The following ATP8A2 variants were observed in gnomAD, a reference collection of about 807,000 sequenced individuals.
The protein encoded by ATP8A2 is phospholipid-transporting ATPase IB.
ATP8A2 carries 100 observed loss-of-function variants against 165.6 expected under a neutral mutation model. The observed-to-expected ratio is 0.60, with a 90% CI of 0.51 to 0.71. ATP8A2 has a LOEUF of 0.71. Ranked by LOEUF, ATP8A2 falls within the 30% of genes least tolerant of loss-of-function variation. The probability of loss-of-function intolerance (pLI) is 0.00; values close to 1 mark genes in which losing one functional copy is unlikely to be tolerated. For synonymous variants in ATP8A2, 543 were observed against 548.8 expected (o/e 0.99, Z 0.15); for missense variants, 1,227 against 1,479.5 (o/e 0.83, Z 2.80).
At chr13:25,488,390 G>A (rs991627834) in intron 2 of ATP8A2, among the ~76,000 whole-genome samples, 2 of 152,180 alleles carry the variant, frequency 1.3e-5, no homozygotes, top group African/African-American at 2.4e-5. Flanking sequence ...GACTTCTCCA[G>A]GTCCCTCATG....
intron 2 of ATP8A2, among the ~76,000 whole-genome samples, chr13:25,518,360 A>C (rs1221799808): frequency 2.0e-5 from 3 of 152,126 alleles, no homozygotes; most frequent in Non-Finnish European, 4.4e-5. Context: ...TCCGGTGGGG[A>C]CGCTTAAAGC....
In ATP8A2 at chr13:26,025,672, T is replaced by TA. The variant is rs1417441552; in HGVS notation, c.*5690dup. ...CGTCCTATTAATGTCCTCTGGTTGT[T>TA]AAATTACAGCAGCACATTACAGTGC... On this transcript the variant is annotated 3_prime_UTR_variant, in exon 37 of 37. Transcript: ENST00000381655. 6.6e-6 allele frequency: 1 copy of TA among 152,204 alleles called. No individual in the cohort carries two copies. The highest frequency in any genetic ancestry group is 1.5e-5 in the Non-Finnish European group (1 of 68,052). The allele number at this position is 152,204 out of a possible 1,614,324, so 9.4% of individuals were successfully genotyped here.
At chr13:25,481,591 G>C (rs1299447409) in intron 2 of ATP8A2, among the ~76,000 whole-genome samples, 2 of 152,204 alleles carry the variant, frequency 1.3e-5, no homozygotes, top group African/African-American at 2.4e-5. Flanking sequence ...CAGACAGGGA[G>C]GGTACCACTG....
chr13:25,869,374 T>C (rs939361462), intron 33 of ATP8A2, among the ~76,000 whole-genome samples: 1 of 152,214 alleles, frequency 6.6e-6, no homozygotes, highest in African/African-American at 2.4e-5. Flanking sequence ...GGAACAGAAC[T>C]CCCGTTATCC....
chr13:25,655,422 G>A (rs976641832), intron 24 of ATP8A2, among the ~76,000 whole-genome samples: 2 of 152,174 alleles, frequency 1.3e-5, no homozygotes, highest in Non-Finnish European at 2.9e-5. Context: ...GCCTCCCAAA[G>A]TTTTGGGATT....
At chr13:25,854,543 C>T (rs1471610229) in intron 30 of ATP8A2, among the ~76,000 whole-genome samples, 1 of 152,150 alleles carries the variant, frequency 6.6e-6, no homozygotes, top group African/African-American at 2.4e-5. Flanking sequence ...TCTCAAACTC[C>T]TGGGCTCAAG....
chr13:26,019,608 C>T (rs913024013), intron 36 of ATP8A2, among the ~76,000 whole-genome samples: 1 of 152,160 alleles, frequency 6.6e-6, no homozygotes, highest in Admixed American at 6.5e-5. Flanking sequence ...CCACACTGAG[C>T]TCAGCCGCAG....
Position 25,905,916 on chromosome 13 carries a change from CT to C in ATP8A2, c.3183+43510del, listed in dbSNP as rs556123393. 3.1e-4 allele frequency among the ~76,000 whole-genome samples: 47 copies of C among 152,312 alleles called. No individual in the cohort carries two copies. In the South Asian group the frequency reaches 9.8e-3, roughly 32 times the overall value. ...GAAACATTCCACACACTGTGTTTTC[CT>C]TCCCAAGTCTTGGTTATTTCCTCTT... On this transcript the variant is annotated intron_variant, in intron 33 of 36. Coordinates refer to ENST00000381655, the MANE Select transcript of ATP8A2 (RefSeq NM_016529.6).
chr13:25,942,095 A>G (rs996831805), intron 33 of ATP8A2, among the ~76,000 whole-genome samples: 4 of 152,252 alleles, frequency 2.6e-5, no homozygotes, highest in Non-Finnish European at 5.9e-5. Context: ...TGGGTTTAAA[A>G]AAAAACAACT....
At chr13:25,646,353 T>TA (rs1252550565) in intron 24 of ATP8A2, among the ~76,000 whole-genome samples, 1 of 151,910 alleles carries the variant, frequency 6.6e-6, no homozygotes, top group Non-Finnish European at 1.5e-5. Context: ...GTTTAGCCTT[T>TA]AAAAAAAGCA....
chr13:25,461,785 G>T (rs573439182), intron 1 of ATP8A2, among the ~76,000 whole-genome samples: 2 of 152,128 alleles, frequency 1.3e-5, no homozygotes, highest in South Asian at 2.1e-4. Flanking sequence ...GCAAACCATG[G>T]CCTGTAAAGT....
At chr13:25,719,148 G>T (rs188796649) in intron 25 of ATP8A2, among the ~76,000 whole-genome samples, 1 of 152,114 alleles carries the variant, frequency 6.6e-6, no homozygotes, top group Non-Finnish European at 1.5e-5. Flanking sequence ...TCCGTGATCC[G>T]GCTCTATGCT....
chr13:25,507,400 G>A (rs1348254927), intron 2 of ATP8A2, among the ~76,000 whole-genome samples: 1 of 152,028 alleles, frequency 6.6e-6, no homozygotes, highest in Non-Finnish European at 1.5e-5. Context: ...TGGGTAGCTG[G>A]GATTACAGGC....
rs982253046 is a variant in ATP8A2 at position 25,589,777 on chromosome 13, G to A, written c.2211+78G>A. The A allele has an allele frequency of 2.7e-4, 237 of 882,370 alleles. 1 individual carries two copies. The highest frequency in any genetic ancestry group is 3.8e-4 in the Non-Finnish European group (213 of 555,788). 54.7% of individuals were successfully genotyped at this position (882,370 alleles called of 1,614,324 possible). ...TTCTTTCTACTATCATTGATAATCAGGGATCATGTTTTGCTAAAAAACAGT... is the reference window on the plus strand; with the variant it reads ...TTCTTTCTACTATCATTGATAATCAAGGATCATGTTTTGCTAAAAAACAGT... On this transcript the variant is annotated intron_variant, in intron 24 of 36. Transcript: ENST00000381655.
intron 18 of ATP8A2, among the ~76,000 whole-genome samples, chr13:25,573,445 G>A (rs2039524828): frequency 6.6e-6 from 1 of 152,028 alleles, no homozygotes; most frequent in Admixed American, 6.6e-5. Flanking sequence ...GATTAGTTAG[G>A]ACTCGTAGAT....
At chr13:25,529,918 C>T in intron 2 of ATP8A2, 81 bp from the exon 3 acceptor site, 1 of 764,276 alleles carries the variant, frequency 1.3e-6, no homozygotes, top group Non-Finnish European at 2.1e-6. Context: ...ATTTGTAAAA[C>T]TTTCTAAACT....
chr13:25,409,547 A>G (rs1419931207), intron 1 of ATP8A2, among the ~76,000 whole-genome samples: 1 of 152,216 alleles, frequency 6.6e-6, no homozygotes, highest in African/African-American at 2.4e-5. Flanking sequence ...CATGAGCTTC[A>G]GACAGAGCAA....
intron 24 of ATP8A2, among the ~76,000 whole-genome samples, chr13:25,631,477 G>T (rs1431816887): frequency 6.6e-6 from 1 of 152,014 alleles, no homozygotes; most frequent in Non-Finnish European, 1.5e-5. Context: ...GTTGATTTGA[G>T]GATTTTTTGA....
In ATP8A2 at chr13:25,444,939, C is replaced by T. The variant is rs151223292; in HGVS notation, c.77-24038C>T. ...AGGTGTGAGCCACCACACCCGGCCC[C>T]GAGCATCTTTTCATGTGTTTATTGG... is the stretch of plus-strand genomic sequence containing the variant. On this transcript the variant is annotated intron_variant, in intron 1 of 36. Coordinates refer to ENST00000381655, the MANE Select transcript of ATP8A2 (RefSeq NM_016529.6). Among the ~76,000 whole-genome samples the T allele has an allele frequency of 1.0e-3, 154 of 152,222 alleles. 1 individual carries two copies. The highest frequency in any genetic ancestry group is 5.2e-3 in the East Asian group (27 of 5,184).
Sources: allele counts gnomAD v4.1 joint callset (sites outside exome capture counted in the v4.1 genomes callset), GRCh38; gene constraint gnomAD v4.1.1; transcripts MANE v1.5; gene names NCBI Gene and HGNC (gene_info 2026-07-23, HGNC 2026-07-21).